Variants in CCDC7 observed in about 807,000 individuals in gnomAD.
CCDC7 encodes the protein coiled-coil domain-containing protein 7.
Under a neutral mutation model 196.9 loss-of-function variants are expected in CCDC7, and 183 were observed. The ratio of observed to expected loss-of-function variants is 0.93; its 90% CI spans 0.82 to 1.05. The LOEUF (loss-of-function observed/expected upper bound fraction) is 1.05. Among genes scored for constraint, CCDC7 ranks in the 50% least tolerant of loss-of-function variants. The pLI is 0.00. For missense variants in CCDC7, 1,540 were observed against 1,482.2 expected (o/e 1.04, Z -0.64); for synonymous variants, 525 against 484.6 (o/e 1.08, Z -1.10).
At chr10:32,593,663 A>C (rs2060008983) in intron 18 of CCDC7, among the ~76,000 whole-genome samples, 1 of 152,212 alleles carries the variant, frequency 6.6e-6, no homozygotes, top group Non-Finnish European at 1.5e-5. Flanking sequence ...GTTTTCTTCA[A>C]GGGTTTTTAT....
upstream of CCDC7, among the ~76,000 whole-genome samples, chr10:32,444,249 A>G (rs1212958064): frequency 6.6e-6 from 1 of 152,234 alleles, no homozygotes; most frequent in Non-Finnish European, 1.5e-5. Context: ...ATCAGATGAA[A>G]AAGTTCCTCT....
At chr10:32,539,143 CT>C (rs558528553) in intron 11 of CCDC7, among the ~76,000 whole-genome samples, 4 of 150,596 alleles carry the variant, frequency 2.7e-5, no homozygotes, top group Admixed American at 1.3e-4. Flanking sequence ...TGGTCCTGGG[CT>C]TTTTTTTTGG....
chr10:32,842,196 A>G (rs1412810112), intron 33 of CCDC7, among the ~76,000 whole-genome samples: 2 of 152,092 alleles, frequency 1.3e-5, no homozygotes, highest in Non-Finnish European at 2.9e-5. Context: ...TTCACAATCT[A>G]TATATCCGAC....
At chr10:32,750,827 G>T (rs1370256600) in intron 28 of CCDC7, among the ~76,000 whole-genome samples, 1 of 152,164 alleles carries the variant, frequency 6.6e-6, no homozygotes. Context: ...TGATGAAAAT[G>T]TGTCTCCAAC....
Position 32,812,960 on chromosome 10 carries a change from A to G in CCDC7, c.3098-1410A>G, listed in dbSNP as rs147190108. On this transcript the variant is annotated intron_variant, in intron 30 of 41. Transcript: ENST00000639629. The stretch of plus-strand genomic sequence containing the variant: ...TGATTACTGAAAACTTGTTCTGCTC[A>G]ATCTTATGGATCACTTTTTACTTTG... Among the ~76,000 whole-genome samples the G allele has an allele frequency of 6.6e-5, 10 of 152,308 alleles. No homozygotes were observed. In the East Asian group the frequency reaches 1.9e-3, roughly 29 times the overall value.
At chr10:32,819,864 G>C (rs1461397454) in intron 31 of CCDC7, among the ~76,000 whole-genome samples, 4 of 152,290 alleles carry the variant, frequency 2.6e-5, no homozygotes, top group Non-Finnish European at 4.4e-5. Context: ...ATATCATACT[G>C]AATGGGCAAA....
In CCDC7 at chr10:32,588,256, A is replaced by G. The variant is rs187235408; in HGVS notation, c.1801+3952A>G. ...AGGTATTCAGTTATAGCAATAGAAA[A>G]TGGACTAAGGCAGGTATATTAGGTG... On this transcript the variant is annotated intron_variant, in intron 18 of 41. Coordinates refer to ENST00000639629, the Ensembl canonical transcript of CCDC7. Among the ~76,000 whole-genome samples the G allele has an allele frequency of 3.8e-4, 58 of 152,356 alleles. 1 individual carries two copies. The East Asian group carries it at 8.7e-3, about 23-fold the overall frequency.
In CCDC7 at chr10:32,857,645, A is replaced by C. The variant is rs750433528; in HGVS notation, c.4111+3156A>C. Among the ~76,000 whole-genome samples, 17 of 152,242 alleles carry C rather than the reference A, an allele frequency of 1.1e-4. 1 individual carries two copies. The highest frequency in any genetic ancestry group is 5.9e-4 in the Admixed American group (9 of 15,288). On this transcript the variant is annotated intron_variant, in intron 41 of 41. Transcript: ENST00000639629. ...GCAGCAAAAGTAATTCTAAGAGGGA[A>C]GCTTATAGCAATAAATGACCACATT...
Position 32,564,768 on chromosome 10 carries a change from A to G in CCDC7, c.1135-790A>G, listed in dbSNP as rs544230221. On this transcript the variant is annotated intron_variant, in intron 13 of 41. Coordinates refer to ENST00000639629, the Ensembl canonical transcript of CCDC7. ...GTATACATATGTAACTAACCTGCAC[A>G]TTGTGTACATGTACCCTAAAACTTA... Among the ~76,000 whole-genome samples the G allele has an allele frequency of 7.9e-5, 12 of 152,156 alleles. No homozygotes were observed. In the South Asian group the frequency reaches 1.7e-3, roughly 21 times the overall value.
intron 3 of CCDC7, among the ~76,000 whole-genome samples, chr10:32,459,721 A>G (rs1212430107): frequency 7.3e-6 from 1 of 136,962 alleles, no homozygotes; most frequent in East Asian, 2.3e-4. Flanking sequence ...CCTTGATACA[A>G]ATTTACAATT....
At chr10:32,561,916 A>G (rs536509034) in intron 13 of CCDC7, among the ~76,000 whole-genome samples, 4 of 152,334 alleles carry the variant, frequency 2.6e-5, no homozygotes, top group Non-Finnish European at 5.9e-5. Context: ...ATATTAATAA[A>G]GAAGAAAAGA....
chr10:32,574,384 T>A lies in CCDC7; in HGVS notation c.1454+2491T>A, dbSNP rs200850561. On this transcript the variant is annotated intron_variant, in intron 16 of 41. Transcript: ENST00000639629. ...ATAAAAATTCAAACTATTAAGCACA[T>A]GGCACAATATTATTCATCAACCTTC... is the stretch of plus-strand genomic sequence containing the variant. 23 of 1,495,272 alleles carry A rather than the reference T, an allele frequency of 1.5e-5. No homozygotes were observed. In the Admixed American group the frequency reaches 4.9e-4, roughly 32 times the overall value. The allele number at this position is 1,495,272 out of a possible 1,614,324, so 92.6% of individuals were successfully genotyped here.
At chr10:32,448,265 A>G (rs1343738390), upstream of CCDC7, among the ~76,000 whole-genome samples, 1 of 151,960 alleles carries the variant, frequency 6.6e-6, no homozygotes. Context: ...TGCTTGTCAG[A>G]CATATTTAAG....
At chr10:32,465,123 T>TAA (rs35872511) in intron 5 of CCDC7, among the ~76,000 whole-genome samples, 4 of 150,370 alleles carry the variant, frequency 2.7e-5, no homozygotes, top group Admixed American at 6.6e-5. Flanking sequence ...TTTTTTTTTT[T>TAA]AAAGTATTCA....
At chr10:32,665,074 A>G (rs1258151753) in intron 21 of CCDC7, among the ~76,000 whole-genome samples, 1 of 152,042 alleles carries the variant, frequency 6.6e-6, no homozygotes, top group Non-Finnish European at 1.5e-5. Flanking sequence ...GATGTTGAAC[A>G]CTTGTTCATA....
chr10:32,486,339 G>C (rs1203980772), intron 8 of CCDC7, among the ~76,000 whole-genome samples: 5 of 150,270 alleles, frequency 3.3e-5, no homozygotes, highest in South Asian at 2.1e-4. Context: ...TTTTTGTTTT[G>C]CATTTGCTTG....
At chr10:32,598,368 G>A (rs111949363) in intron 18 of CCDC7, among the ~76,000 whole-genome samples, 1 of 152,152 alleles carries the variant, frequency 6.6e-6, no homozygotes, top group South Asian at 2.1e-4. Context: ...GCAGTATCAG[G>A]GTGGGAGTGT....
chr10:32,472,613 A>G, intron 7 of CCDC7, 71 bp downstream of exon 8: 1 of 1,349,350 alleles, frequency 7.4e-7, no homozygotes. Context: ...TTATCTTTTA[A>G]AGAGAGGGTC....
chr10:32,758,208 C>A (rs1198801152), intron 28 of CCDC7, among the ~76,000 whole-genome samples: 1 of 152,156 alleles, frequency 6.6e-6, no homozygotes, highest in Admixed American at 6.5e-5. Flanking sequence ...TGAAACTATT[C>A]CAATGAATAG....
Sources: allele counts gnomAD v4.1 joint callset (sites outside exome capture counted in the v4.1 genomes callset), GRCh38; gene constraint gnomAD v4.1.1; transcripts MANE v1.5; gene names NCBI Gene and HGNC (gene_info 2026-07-23, HGNC 2026-07-21).